Variants in BCAS3 observed in about 807,000 individuals in gnomAD.
The protein encoded by BCAS3 is BCAS4/BCAS3 fusion.
A neutral mutation model predicts 116.1 loss-of-function variants in BCAS3; 53 were observed. That is an observed-to-expected ratio of 0.46 (90% CI 0.37 to 0.57). The LOEUF is 0.57. BCAS3 is among the 20% of genes least tolerant of loss of function. The probability of loss-of-function intolerance (pLI) is 0.00; values close to 1 mark genes in which losing one functional copy is unlikely to be tolerated. For synonymous variants in BCAS3, 391 were observed against 408.2 expected (o/e 0.96, Z 0.51); for missense variants, 917 against 1,165.4 (o/e 0.79, Z 3.10).
At position 61,122,942 on chromosome 17, in the gene BCAS3, CTT is replaced by C. The variant is rs199905153; in HGVS notation, c.2425+38393_2425+38394del. Among the ~76,000 whole-genome samples, 35 of 136,138 alleles carry C rather than the reference CTT, an allele frequency of 2.6e-4. No homozygotes were observed. Among genetic ancestry groups the C allele is most frequent in the Non-Finnish European group, 1.9e-4 (12 of 62,070 alleles). The allele number at this position is 136,138 out of a possible 152,430, so 89.3% of individuals were successfully genotyped here. A position where few individuals can be genotyped will look rare whatever the true frequency, so the allele number is the denominator to read the frequency against. ...GAAAGATTCCACATTATGGGTAAGTCTTTTTTTTTTTTTTTTGAGATGGAGTT... is the reference window on the plus strand; with the variant it reads ...GAAAGATTCCACATTATGGGTAAGTCTTTTTTTTTTTTTTGAGATGGAGTT... On this transcript the variant is annotated intron_variant, in intron 22 of 23. Transcript: ENST00000407086. This position sits in a 1 kb window ranked among gnomAD's most constrained non-coding sequence, Gnocchi z 4.6.
intron 14 of BCAS3, among the ~76,000 whole-genome samples, chr17:60,981,368 C>T (rs958794637): frequency 3.3e-5 from 5 of 151,900 alleles, no homozygotes; most frequent in African/African-American, 1.2e-4. Flanking sequence ...CAGCCTCTGC[C>T]TCCTCCCAGG....
At position 61,034,844 on chromosome 17, in the gene BCAS3, G is replaced by A; in HGVS notation, c.1762+54G>A. The A allele has an allele frequency of 6.5e-7, 1 of 1,534,394 alleles. No individual in the cohort carries two copies. Among genetic ancestry groups the A allele is most frequent in the Non-Finnish European group, 8.8e-7 (1 of 1,137,050 alleles). On this transcript the variant is annotated intron_variant, in intron 17 of 23. Coordinates refer to ENST00000407086, the MANE Select transcript of BCAS3 (RefSeq NM_017679.5). The surrounding 1 kb of genome is among the most constrained non-coding windows in gnomAD (Gnocchi z 5.0). ...TCTATTTGTAATTTTTGCTTCTTAA[G>A]GAAAATTTTTAGCAGTTTCCCTAGA...
chr17:60,875,562 GA>G (rs2055526719), intron 9 of BCAS3, among the ~76,000 whole-genome samples: 1 of 152,030 alleles, frequency 6.6e-6, no homozygotes, highest in Admixed American at 6.6e-5. Flanking sequence ...CTTTTACTTA[GA>G]AGAGAGAATA....
chr17:61,031,845 C>A (rs2066663318), intron 16 of BCAS3, among the ~76,000 whole-genome samples: 1 of 152,002 alleles, frequency 6.6e-6, no homozygotes, highest in African/African-American at 2.4e-5. Context: ...AATGGTAATT[C>A]TTTACTGAAA....
At position 61,106,271 on chromosome 17, in the gene BCAS3, G is replaced by T. The variant is rs2074644386; in HGVS notation, c.2425+21707G>T. On this transcript the variant is annotated intron_variant, in intron 22 of 23. Transcript: ENST00000407086. This position sits in a 1 kb window ranked among gnomAD's most constrained non-coding sequence, Gnocchi z 4.2. The stretch of plus-strand genomic sequence containing the variant: ...TGGCATAGTGACCTTTCAGTCAACA[G>T]TGGACCTTATATGCTCGTGCAACAG... 6.6e-6 allele frequency among the ~76,000 whole-genome samples: 1 copy of T among 152,212 alleles called. No individual in the cohort carries two copies. Among genetic ancestry groups the T allele is most frequent in the African/African-American group, 2.4e-5 (1 of 41,460 alleles).
chr17:60,948,163 G>A lies in BCAS3; in HGVS notation c.1221+811G>A, dbSNP rs75262231. Among the ~76,000 whole-genome samples the A allele has an allele frequency of 1.0e-3, 156 of 151,776 alleles. 1 individual carries two copies. The highest frequency in any genetic ancestry group is 3.7e-3 in the African/African-American group (153 of 41,372). Reference sequence around the variant, plus strand: ...TCTGTTGCCCAGGCTAGAGTGCAGTGGCGCTGCGATCTTTGGCTCACTGCA... The same window carrying A: ...TCTGTTGCCCAGGCTAGAGTGCAGTAGCGCTGCGATCTTTGGCTCACTGCA... On this transcript the variant is annotated intron_variant, in intron 14 of 23. Coordinates refer to ENST00000407086, the MANE Select transcript of BCAS3 (RefSeq NM_017679.5).
At chr17:60,827,751 T>C (rs1246933212) in intron 7 of BCAS3, among the ~76,000 whole-genome samples, 6 of 93,060 alleles carry the variant, frequency 6.4e-5, no homozygotes, top group East Asian at 2.3e-4. Context: ...TTCCTCCCCC[T>C]GTAGAAGAAG....
At chr17:61,232,410 G>A (rs777613472) in intron 22 of BCAS3, among the ~76,000 whole-genome samples, 4 of 151,968 alleles carry the variant, frequency 2.6e-5, no homozygotes, top group Non-Finnish European at 4.4e-5. Context: ...GTGGGGGGTG[G>A]GGAGTAATTT....
rs187505666 is a variant in BCAS3 at position 61,153,353 on chromosome 17, T to C, written c.2425+68789T>C. On this transcript the variant is annotated intron_variant, in intron 22 of 23. Coordinates refer to ENST00000407086, the MANE Select transcript of BCAS3 (RefSeq NM_017679.5). ...CTCCACCACCAGTTCTACTGGACTT[T>C]GAGAATATCATTCCTGCCTTTCTTC... Among the ~76,000 whole-genome samples, 110 of 152,348 alleles carry C rather than the reference T, an allele frequency of 7.2e-4. 1 individual carries two copies. Among genetic ancestry groups the C allele is most frequent in the African/African-American group, 2.5e-3 (102 of 41,586 alleles).
chr17:60,921,769 G>A (rs1210263082), intron 12 of BCAS3, among the ~76,000 whole-genome samples: 6 of 151,820 alleles, frequency 4.0e-5, no homozygotes, highest in Non-Finnish European at 8.8e-5. Context: ...ATATATCCAT[G>A]TAACAAACCT....
intron 14 of BCAS3, among the ~76,000 whole-genome samples, chr17:60,971,332 C>A (rs1302450124): frequency 6.6e-6 from 1 of 152,130 alleles, no homozygotes; most frequent in Non-Finnish European, 1.5e-5. Flanking sequence ...CTTTAAAGGA[C>A]CAGATAATAA....
intron 6 of BCAS3, among the ~76,000 whole-genome samples, chr17:60,771,367 G>A (rs1026270213): frequency 2.6e-5 from 4 of 152,010 alleles, no homozygotes; most frequent in South Asian, 2.1e-4. Flanking sequence ...TAGAAAAGCC[G>A]TTCTCCTACA....
At position 61,217,144 on chromosome 17, in the gene BCAS3, G is replaced by T. The variant is rs2081846604; in HGVS notation, c.2425+132580G>T. Among the ~76,000 whole-genome samples the T allele has an allele frequency of 6.6e-6, 1 of 151,980 alleles. No individual in the cohort carries two copies. Among genetic ancestry groups the T allele is most frequent in the African/African-American group, 2.4e-5 (1 of 41,388 alleles). On this transcript the variant is annotated intron_variant, in intron 22 of 23. Transcript: ENST00000407086. This position sits in a 1 kb window ranked among gnomAD's most constrained non-coding sequence, Gnocchi z 5.2. ...AAAAAATACAAAAAATTAGCTGGGT[G>T]TGGTGGCACACTCCTGCAGTCCCAG...
intron 6 of BCAS3, among the ~76,000 whole-genome samples, chr17:60,765,428 T>A (rs919155751): frequency 6.6e-6 from 1 of 152,140 alleles, no homozygotes; most frequent in Admixed American, 6.5e-5. Flanking sequence ...TGTAAAGGAT[T>A]TTATTTCTCC....
At position 61,377,221 on chromosome 17, in the gene BCAS3, G is replaced by C. The variant is rs2059378068; in HGVS notation, c.2593+8727G>C. The stretch of plus-strand genomic sequence containing the variant: ...TGATTGCTGAGGGTGAGAGAAGAAA[G>C]TGTCCCCAGAGGCACAGGGCCACCA... On this transcript the variant is annotated intron_variant, in intron 23 of 23. Transcript: ENST00000407086. This position sits in a 1 kb window ranked among gnomAD's most constrained non-coding sequence, Gnocchi z 4.6. Among the ~76,000 whole-genome samples, 1 of 152,202 alleles carries C rather than the reference G, an allele frequency of 6.6e-6. No individual in the cohort carries two copies. Among genetic ancestry groups the C allele is most frequent in the Non-Finnish European group, 1.5e-5 (1 of 68,036 alleles).
intron 7 of BCAS3, among the ~76,000 whole-genome samples, chr17:60,816,627 A>G (rs1242749575): frequency 6.6e-6 from 1 of 152,144 alleles, no homozygotes; most frequent in Non-Finnish European, 1.5e-5. Context: ...GGGAATTGCT[A>G]TGGAAAGTGT....
intron 22 of BCAS3, among the ~76,000 whole-genome samples, chr17:61,275,513 C>T (rs1463136155): frequency 6.6e-6 from 1 of 151,640 alleles, no homozygotes; most frequent in African/African-American, 2.4e-5. Flanking sequence ...AACCCATGTG[C>T]ATTTCTCAGC....
rs1053984720 is a variant in BCAS3, at chr17:61,097,163, G to C, written c.2425+12599G>C. ...GAAGGAATTTTAAGAAGCCTACTCT[G>C]TTTCTTTATTTGTTTTTTTCTTTTT... On this transcript the variant is annotated intron_variant, in intron 22 of 23. Transcript: ENST00000407086. This position sits in a 1 kb window ranked among gnomAD's most constrained non-coding sequence, Gnocchi z 4.0. Among the ~76,000 whole-genome samples, 8 of 152,118 alleles carry C rather than the reference G, an allele frequency of 5.3e-5. No homozygotes were observed. The South Asian group carries it at 1.5e-3, about 28-fold the overall frequency.
chr17:61,037,704 G>A lies in BCAS3; in HGVS notation c.1763-185G>A, dbSNP rs969470187. The stretch of plus-strand genomic sequence containing the variant: ...GGAGAACCATTTGAACCAGGGAGGC[G>A]GCAGCCTGGGCAGCAAGAGCAAAAC... On this transcript the variant is annotated intron_variant, in intron 17 of 23. Coordinates refer to ENST00000407086, the MANE Select transcript of BCAS3 (RefSeq NM_017679.5). This position sits in a 1 kb window ranked among gnomAD's most constrained non-coding sequence, Gnocchi z 4.7. 5.3e-5 allele frequency among the ~76,000 whole-genome samples: 8 copies of A among 151,990 alleles called. No individual in the cohort carries two copies. The highest frequency in any genetic ancestry group is 1.7e-4 in the African/African-American group (7 of 41,350).
Sources: gnomAD v4.1 joint callset for allele counts (sites outside exome capture counted in the v4.1 genomes callset) on GRCh38, gnomAD v4.1.1 for gene constraint, Gnocchi (gnomAD v3.1) non-coding constraint, MANE v1.5 for transcripts, NCBI Gene and HGNC (gene_info 2026-07-23, HGNC 2026-07-21) for gene names.